Variants in PRR23E observed in about 807,000 individuals in gnomAD.
The protein encoded by PRR23E is proline-rich protein 23E.
the PRR23E span, among the ~76,000 whole-genome samples, chr3:127,196,398 C>T: frequency 2.0e-5 from 3 of 152,140 alleles, no homozygotes; most frequent in Admixed American, 1.3e-4. Flanking sequence ...AAATGCCTCA[C>T]GTGGCTGCTG....
At chr3:127,196,570 G>A in the PRR23E span, 2 of 1,428,200 alleles carry the variant, frequency 1.4e-6, no homozygotes, top group Admixed American at 2.7e-5. Context: ...CCCTCTGACT[G>A]GCTGTCTGCT....
chr3:127,197,492 T>C, the PRR23E span: 1 of 1,288,238 alleles, frequency 7.8e-7, no homozygotes, highest in South Asian at 1.7e-5. Context: ...ACTTTAAGTT[T>C]TTGGAAGAGT....
chr3:127,196,549 T>C, the PRR23E span: 1 of 1,310,474 alleles, frequency 7.6e-7, no homozygotes, highest in Non-Finnish European at 1.0e-6. Flanking sequence ...CTGTGCGACC[T>C]GGTCTCCCTG....
chr3:127,196,431 C>CCACTCGTT, the PRR23E span, among the ~76,000 whole-genome samples: 1 of 152,084 alleles, frequency 6.6e-6, no homozygotes, highest in African/African-American at 2.4e-5. Flanking sequence ...ACTGCAGGGG[C>CCACTCGTT]CACTCGTTCC....
At chr3:127,196,756 C>T in the PRR23E span, 1 of 1,596,180 alleles carries the variant, frequency 6.3e-7, no homozygotes. Flanking sequence ...TCCGAGGAAG[C>T]CCACGGGACT....
the PRR23E span, chr3:127,196,854 C>T: frequency 6.3e-7 from 1 of 1,599,300 alleles, no homozygotes. Flanking sequence ...TGACCTGGCC[C>T]TCTGGCCTGT....
the PRR23E span, among the ~76,000 whole-genome samples, chr3:127,195,836 G>T: frequency 2.6e-5 from 4 of 152,150 alleles, no homozygotes; most frequent in African/African-American, 7.2e-5. Flanking sequence ...CATGTACTGC[G>T]CATCAGTTCT....
the PRR23E span, chr3:127,196,883 AT>A: frequency 6.3e-7 from 1 of 1,599,008 alleles, no homozygotes; most frequent in South Asian, 1.1e-5. Context: ...CCTGCATGGG[AT>A]TTTCCCCACA....
At chr3:127,193,685 C>T in the PRR23E span, among the ~76,000 whole-genome samples, 1 of 152,184 alleles carries the variant, frequency 6.6e-6, no homozygotes, top group Admixed American at 6.5e-5. Flanking sequence ...CTGGCTGCTT[C>T]GGACAAGGAA....
the PRR23E span, chr3:127,197,442 A>G: frequency 2.0e-6 from 3 of 1,466,286 alleles, no homozygotes; most frequent in Non-Finnish European, 2.7e-6. Flanking sequence ...GACCCACCCA[A>G]CAATCAGAGA....
At chr3:127,197,389 CCCG>C in the PRR23E span, 4 of 1,557,954 alleles carry the variant, frequency 2.6e-6, no homozygotes, top group African/African-American at 2.7e-5. Flanking sequence ...CCCTGCAGGG[CCCG>C]CCGCCGCCTC....
chr3:127,196,763 G>A, the PRR23E span: 4 of 1,596,516 alleles, frequency 2.5e-6, no homozygotes, highest in Middle Eastern at 1.7e-4. Flanking sequence ...AAGCCCACGG[G>A]ACTCTGGCAG....
chr3:127,193,552 C>G, the PRR23E span, among the ~76,000 whole-genome samples: 1 of 152,118 alleles, frequency 6.6e-6, no homozygotes, highest in Admixed American at 6.5e-5. Context: ...CTCCTGCCTG[C>G]CCCCTCGCAG....
At chr3:127,196,144 A>G in the PRR23E span, among the ~76,000 whole-genome samples, 1 of 152,156 alleles carries the variant, frequency 6.6e-6, no homozygotes, top group Non-Finnish European at 1.5e-5. Context: ...GCATCTGTCA[A>G]GGATGAAGTG....
chr3:127,197,180 C>T, the PRR23E span: 18 of 1,592,432 alleles, frequency 1.1e-5, no homozygotes, highest in Admixed American at 1.7e-4. Context: ...CCAGCTCAGC[C>T]CCCAGGGCTG....
chr3:127,196,621 C>T, the PRR23E span: 1 of 1,490,090 alleles, frequency 6.7e-7, no homozygotes, highest in African/African-American at 1.4e-5. Context: ...TGCGTGTGGC[C>T]TCAGCTTGCA....
chr3:127,194,901 G>A, the PRR23E span, among the ~76,000 whole-genome samples: 7 of 152,146 alleles, frequency 4.6e-5, no homozygotes, highest in African/African-American at 9.7e-5. Flanking sequence ...CTGCCCATTC[G>A]GGAGGAAATG....
chr3:127,197,048 T>G, the PRR23E span: 10 of 1,594,048 alleles, frequency 6.3e-6, no homozygotes, highest in Non-Finnish European at 8.5e-6. Flanking sequence ...CGTATCTGGC[T>G]GCCTTGGCCC....
At chr3:127,194,446 T>C in the PRR23E span, among the ~76,000 whole-genome samples, 3 of 152,210 alleles carry the variant, frequency 2.0e-5, no homozygotes, top group African/African-American at 7.2e-5. Context: ...TAGAGGATGA[T>C]CTGAACTTGC....
Sources: allele counts gnomAD v4.1 joint callset (sites outside exome capture counted in the v4.1 genomes callset), GRCh38; gene constraint gnomAD v4.1.1; transcripts MANE v1.5; gene names NCBI Gene and HGNC (gene_info 2026-07-23, HGNC 2026-07-21).